CDH22: variants seen among roughly 807,000 people sequenced by gnomAD.
CDH22 encodes the protein cadherin-22.
Under a neutral mutation model 58.4 loss-of-function variants are expected in CDH22, and 30 were observed. That is an observed-to-expected ratio of 0.51 (90% CI 0.38 to 0.70). The LOEUF (loss-of-function observed/expected upper bound fraction) is 0.70. CDH22 is among the 30% of genes least tolerant of loss of function. The probability of loss-of-function intolerance (pLI) is 0.00; values close to 1 mark genes in which losing one functional copy is unlikely to be tolerated. For synonymous variants in CDH22, 513 were observed against 558.2 expected, an observed-to-expected ratio of 0.92 and a Z score of 1.14; for missense variants, 1,014 against 1,233.9, an observed-to-expected ratio of 0.82 and a Z score of 2.67.
chr20:46,286,873 A>T (rs1385222140), intron 1 of CDH22, among the ~76,000 whole-genome samples: 1 of 152,122 alleles, frequency 6.6e-6, no homozygotes, highest in Non-Finnish European at 1.5e-5. Flanking sequence ...TCTGTCTGCC[A>T]TTCAGGGTCC....
At chr20:46,306,727 T>TG (rs1297965908) in intron 1 of CDH22, among the ~76,000 whole-genome samples, 9 of 151,008 alleles carry the variant, frequency 6.0e-5, no homozygotes, top group Non-Finnish European at 1.3e-4. Context: ...GGGTCGGGGT[T>TG]GGGGGGGACG....
chr20:46,210,449 G>A lies in CDH22; in HGVS notation c.1144C>T (p.Arg382Cys), dbSNP rs1175419113. 11 of 1,439,944 alleles carry A rather than the reference G, an allele frequency of 7.6e-6. No homozygotes were observed. The highest frequency in any genetic ancestry group is 1.0e-5 in the Non-Finnish European group (11 of 1,094,714). 89.2% of individuals were successfully genotyped at this position (1,439,944 alleles called of 1,614,324 possible). A position where few individuals can be genotyped will look rare whatever the true frequency, so the allele number is the denominator to read the frequency against. The stretch of plus-strand genomic sequence containing the variant: ...TCGTCCACGTCGGTCACGGCCACGC[G>A]CACGATCGCCTGGTCGCGGAACGTG... ...LGTFRDQAIVRVAVTDVDEPP... is the reference protein window; with the variant it reads ...LGTFRDQAIVCVAVTDVDEPP... Residue 382 changes from arginine to cysteine, a missense_variant, in exon 7 of 12, where the codon CGC becomes TGC. Around this residue, in one of 2 missense-constraint regions of CDH22, gnomAD observed 806 missense variants for 1,038.7 expected, o/e 0.78. Coordinates refer to ENST00000537909, the MANE Select transcript of CDH22 (RefSeq NM_021248.3). This position sits in a 1 kb window ranked among gnomAD's most constrained non-coding sequence, Gnocchi z 4.5.
intron 7 of CDH22, among the ~76,000 whole-genome samples, chr20:46,203,299 A>G (rs1202509432): frequency 1.8e-5 from 1 of 56,446 alleles, no homozygotes; most frequent in Non-Finnish European, 3.2e-5. Context: ...AGTGTGTGGC[A>G]GGGACTGTGG....
chr20:46,200,977 C>T (rs911583928), intron 7 of CDH22, among the ~76,000 whole-genome samples: 1 of 152,226 alleles, frequency 6.6e-6, no homozygotes, highest in Non-Finnish European at 1.5e-5. Flanking sequence ...AGCTAATCTG[C>T]AGCTTTTCCG....
rs2085829252 is a variant in CDH22 at position 46,186,817 on chromosome 20, C to T, written c.1545+9G>A. ...AAGCAACGCCCAGTCCCCACCCCCT[C>T]AGGGGTACCTGGCCTGGCTTGGCAT... On this transcript the variant is annotated intron_variant, in intron 9 of 11. Transcript: ENST00000537909. The T allele has an allele frequency of 1.3e-6, 2 of 1,599,590 alleles. No homozygotes were observed. Among genetic ancestry groups the T allele is most frequent in the Non-Finnish European group, 1.7e-6 (2 of 1,171,986 alleles).
chr20:46,305,120 C>T (rs1238597561), intron 1 of CDH22, among the ~76,000 whole-genome samples: 1 of 152,198 alleles, frequency 6.6e-6, no homozygotes, highest in Admixed American at 6.5e-5. Flanking sequence ...AATGAGAAAA[C>T]GTCCCTCCTG....
At chr20:46,301,248 C>G (rs2086650173) in intron 1 of CDH22, among the ~76,000 whole-genome samples, 1 of 152,038 alleles carries the variant, frequency 6.6e-6, no homozygotes, top group African/African-American at 2.4e-5. Flanking sequence ...GAGAATCACT[C>G]TGTATTAAAT....
chr20:46,201,746 A>G (rs995885107), intron 7 of CDH22, among the ~76,000 whole-genome samples: 1 of 152,118 alleles, frequency 6.6e-6, no homozygotes. Flanking sequence ...AATGCTCCAT[A>G]CTGTTCCTAA....
chr20:46,187,572 C>T (rs908943094), intron 8 of CDH22, among the ~76,000 whole-genome samples: 12 of 152,100 alleles, frequency 7.9e-5, no homozygotes, highest in Non-Finnish European at 1.5e-4. Context: ...TCACTACCCT[C>T]ACCACCACCA....
intron 3 of CDH22, among the ~76,000 whole-genome samples, chr20:46,229,813 G>A (rs997116545): frequency 6.6e-6 from 1 of 152,066 alleles, no homozygotes; most frequent in African/African-American, 2.4e-5. Context: ...TGTTGTAATT[G>A]TTATGAGAGA....
At chr20:46,235,463 A>T (rs1354021240) in intron 3 of CDH22, among the ~76,000 whole-genome samples, 2 of 152,164 alleles carry the variant, frequency 1.3e-5, no homozygotes, top group Non-Finnish European at 2.9e-5. Flanking sequence ...CTCTCTTCTG[A>T]CATCTAGACT....
rs373292951 is a variant in CDH22, at chr20:46,210,565, G to A, written c.1033-5C>T. 1.5e-4 allele frequency: 221 copies of A among 1,428,906 alleles called. 1 individual carries two copies. The Middle Eastern group carries it at 0.011, about 69-fold the overall frequency. 88.5% of individuals were successfully genotyped at this position (1,428,906 alleles called of 1,614,324 possible). The stretch of plus-strand genomic sequence containing the variant: ...CTGGGATTCGAAGTCCAGGCGCTGC[G>A]GGAGGGAGCAGAGGGCCGGTTAGTG... On this transcript the variant is annotated splice_region_variant and splice_polypyrimidine_tract_variant and intron_variant, in intron 6 of 11. Transcript: ENST00000537909. This position sits in a 1 kb window ranked among gnomAD's most constrained non-coding sequence, Gnocchi z 4.5.
At chr20:46,301,682 G>A (rs1600731531) in intron 1 of CDH22, among the ~76,000 whole-genome samples, 1 of 151,844 alleles carries the variant, frequency 6.6e-6, no homozygotes, top group Non-Finnish European at 1.5e-5. Flanking sequence ...GTTGTGGTGG[G>A]CACCTGTAAT....
chr20:46,236,581 AATATAAT>A lies in CDH22; in HGVS notation c.550+4375_550+4381del, dbSNP rs1468133019. Among the ~76,000 whole-genome samples, 21 of 142,862 alleles carry A rather than the reference AATATAAT, an allele frequency of 1.5e-4. No individual in the cohort carries two copies. The South Asian group carries it at 2.1e-3, about 14-fold the overall frequency. The allele number at this position is 142,862 out of a possible 152,430, so 93.7% of individuals were successfully genotyped here. ...TAAAAATAAATATATATTATATATA[AATATAAT>A]ATATAATATATTATATATAGATATA... On this transcript the variant is annotated intron_variant, in intron 3 of 11. Coordinates refer to ENST00000537909, the MANE Select transcript of CDH22 (RefSeq NM_021248.3).
intron 3 of CDH22, among the ~76,000 whole-genome samples, chr20:46,240,267 A>G (rs1253555096): frequency 2.0e-5 from 3 of 151,918 alleles, no homozygotes; most frequent in Non-Finnish European, 2.9e-5. Flanking sequence ...GTCTCTGTAC[A>G]TGGCTGAGTC....
intron 8 of CDH22, among the ~76,000 whole-genome samples, chr20:46,194,545 C>T (rs2085885648): frequency 6.6e-6 from 1 of 152,150 alleles, no homozygotes; most frequent in Non-Finnish European, 1.5e-5. Flanking sequence ...CTCTGACATT[C>T]CCTCTCCTCT....
chr20:46,215,952 C>A (rs140694937), intron 5 of CDH22, among the ~76,000 whole-genome samples: 1 of 152,072 alleles, frequency 6.6e-6, no homozygotes, highest in African/African-American at 2.4e-5. Context: ...CAGCTCACTC[C>A]GCTCTGTGTC....
chr20:46,220,144 A>T (rs2086113385), intron 4 of CDH22, among the ~76,000 whole-genome samples: 1 of 151,248 alleles, frequency 6.6e-6, no homozygotes, highest in African/African-American at 2.4e-5. Context: ...AAGGGAGGGG[A>T]ACAGACAGAG....
At chr20:46,225,324 A>C (rs567374536) in intron 4 of CDH22, among the ~76,000 whole-genome samples, 2 of 152,256 alleles carry the variant, frequency 1.3e-5, no homozygotes, top group Non-Finnish European at 2.9e-5. Context: ...ATAAGTGTCC[A>C]TCGGCAGGGG....
Sources: gnomAD v4.1 joint callset for allele counts (sites outside exome capture counted in the v4.1 genomes callset) on GRCh38, gnomAD v4.1.1 for gene constraint, gnomAD v4.1.1 regional missense constraint, Gnocchi (gnomAD v3.1) non-coding constraint, MANE v1.5 for transcripts, NCBI Gene and HGNC (gene_info 2026-07-23, HGNC 2026-07-21) for gene names.